TLE4: variants seen among roughly 807,000 people sequenced by gnomAD.
TLE4 encodes transducin-like enhancer protein 4.
Under a neutral mutation model 92.8 loss-of-function variants are expected in TLE4, and 8 were observed. The ratio of observed to expected loss-of-function variants is 0.09; its 90% confidence interval spans 0.05 to 0.16. The LOEUF is 0.16. Ranked by LOEUF, TLE4 falls within the 10% of genes least tolerant of loss-of-function variation. TLE4 has a pLI of 1.00. For missense variants in TLE4, 675 were observed against 997.6 expected (o/e 0.68, Z 4.36); for synonymous variants, 371 against 374.1 (o/e 0.99, Z 0.10).
At position 79,704,914 on chromosome 9, in the gene TLE4, C is replaced by T. The variant is rs2071075547; in HGVS notation, c.729+12C>T. On this transcript the variant is annotated intron_variant, in intron 9 of 19. Coordinates refer to ENST00000376552, the MANE Select transcript of TLE4 (RefSeq NM_007005.6). The stretch of plus-strand genomic sequence containing the variant: ...TTGCAGCTCGTTATGTAAGTTCATT[C>T]ACCTTTGTGTTAGGGGAGGCCAGCT... The T allele has an allele frequency of 6.2e-7, 1 of 1,613,746 alleles. No homozygotes were observed. The highest frequency in any genetic ancestry group is 1.3e-5 in the African/African-American group (1 of 74,914).
At chr9:79,575,999 G>C (rs533228544) in intron 3 of TLE4, 134 bp from the exon 4 acceptor site, 1 of 498,596 alleles carries the variant, frequency 2.0e-6, no homozygotes, top group African/African-American at 2.0e-5. Context: ...TGATTTATTG[G>C]CATAGGTTAT....
At chr9:79,598,691 T>G (rs927631057) in intron 4 of TLE4, among the ~76,000 whole-genome samples, 2 of 152,224 alleles carry the variant, frequency 1.3e-5, no homozygotes, top group African/African-American at 4.8e-5. Context: ...TCGAAAGTTA[T>G]GAAATTAATA....
At chr9:79,579,181 C>T (rs2038907029) in intron 4 of TLE4, among the ~76,000 whole-genome samples, 1 of 152,036 alleles carries the variant, frequency 6.6e-6, no homozygotes, top group South Asian at 2.1e-4. Flanking sequence ...GACAGCTGAC[C>T]CAGGGTTTAG....
At chr9:79,576,821 A>T (rs1037798251) in intron 4 of TLE4, 3 of 151,668 alleles carry the variant, frequency 2.0e-5, no homozygotes, top group Non-Finnish European at 4.4e-5. Context: ...AAAAAAAAAA[A>T]TGATTAGTCA....
At chr9:79,678,661 G>T (rs2063771700) in intron 8 of TLE4, among the ~76,000 whole-genome samples, 1 of 151,030 alleles carries the variant, frequency 6.6e-6, no homozygotes, top group South Asian at 2.1e-4. Context: ...TAGGGTACAT[G>T]TGCACAATGT....
At chr9:79,643,698 G>A (rs1204824435) in intron 6 of TLE4, among the ~76,000 whole-genome samples, 1 of 152,100 alleles carries the variant, frequency 6.6e-6, no homozygotes, top group East Asian at 1.9e-4. Flanking sequence ...ATTTCCAGTT[G>A]TATCATATTA....
intron 8 of TLE4, among the ~76,000 whole-genome samples, chr9:79,694,630 T>C (rs1238635465): frequency 6.6e-6 from 1 of 152,198 alleles, no homozygotes; most frequent in Non-Finnish European, 1.5e-5. Flanking sequence ...CTTTACATAA[T>C]AAAAATTTAC....
chr9:79,642,486 C>T (rs1666623548), intron 6 of TLE4, among the ~76,000 whole-genome samples: 1 of 151,726 alleles, frequency 6.6e-6, no homozygotes, highest in African/African-American at 2.4e-5. Context: ...GAGTACATTC[C>T]CTTAGCTTGG....
At chr9:79,722,239 C>T (rs1050066544) in intron 17 of TLE4, among the ~76,000 whole-genome samples, 19 of 152,138 alleles carry the variant, frequency 1.2e-4, no homozygotes, top group African/African-American at 2.9e-4. Flanking sequence ...GTTCACTTAC[C>T]GTGTGATGAT....
At chr9:79,712,360 A>AT (rs1199886960) in intron 14 of TLE4, among the ~76,000 whole-genome samples, 2 of 152,184 alleles carry the variant, frequency 1.3e-5, no homozygotes, top group Non-Finnish European at 2.9e-5. Context: ...TTTATTATAG[A>AT]TTTTTACAGC....
chr9:79,706,100 A>G (rs1051000692), intron 10 of TLE4, among the ~76,000 whole-genome samples, 158 bp downstream of exon 10: 7 of 152,136 alleles, frequency 4.6e-5, no homozygotes, highest in African/African-American at 1.4e-4. Flanking sequence ...GCTAGAGTAC[A>G]GTATTGTGAC....
At chr9:79,594,346 A>G (rs895928956) in intron 4 of TLE4, among the ~76,000 whole-genome samples, 7 of 152,212 alleles carry the variant, frequency 4.6e-5, no homozygotes, top group African/African-American at 1.7e-4. Flanking sequence ...TCTACATTGT[A>G]TCTCCATGGT....
chr9:79,621,847 A>T (rs1320643894), intron 5 of TLE4, among the ~76,000 whole-genome samples: 1 of 152,138 alleles, frequency 6.6e-6, no homozygotes, highest in Non-Finnish European at 1.5e-5. Context: ...TGGCTTCTTA[A>T]GTACATGTGG....
intron 5 of TLE4, among the ~76,000 whole-genome samples, chr9:79,614,825 T>C (rs1177201555): frequency 6.6e-6 from 1 of 152,100 alleles, no homozygotes; most frequent in African/African-American, 2.4e-5. Flanking sequence ...TCATCAGTTA[T>C]CGTTAGTGTA....
rs1421751403 is a variant in TLE4, at chr9:79,572,682, C to A, written c.-109C>A. On this transcript the variant is annotated 5_prime_UTR_variant, in exon 1 of 20. Transcript: ENST00000376552. The stretch of plus-strand genomic sequence containing the variant: ...GGGGGCCGGGACCGCCCGAGCCGCC[C>A]CTCAGACCGAGCCGGCCGCCTCCGC... 8.6e-7 allele frequency: 1 copy of A among 1,165,018 alleles called. No homozygotes were observed. The highest frequency in any genetic ancestry group is 3.0e-5 in the East Asian group (1 of 32,980). The allele number at this position is 1,165,018 out of a possible 1,614,324, so 72.2% of individuals were successfully genotyped here.
intron 4 of TLE4, among the ~76,000 whole-genome samples, chr9:79,596,074 C>G (rs1412557022): frequency 6.6e-6 from 1 of 152,126 alleles, no homozygotes; most frequent in East Asian, 1.9e-4. Flanking sequence ...TCTCGATCTC[C>G]TGACCTCGTG....
intron 5 of TLE4, among the ~76,000 whole-genome samples, chr9:79,614,055 G>A (rs2048952888): frequency 6.6e-6 from 1 of 152,102 alleles, no homozygotes; most frequent in South Asian, 2.1e-4. Context: ...AGATGGCTTG[G>A]TGAATGAGAG....
intron 4 of TLE4, chr9:79,580,201 A>T (rs1250954660): frequency 6.6e-6 from 1 of 152,216 alleles, no homozygotes; most frequent in Non-Finnish European, 1.5e-5. Context: ...ACCATGCTCG[A>T]CAGCAAATCA....
chr9:79,628,988 C>A (rs2053469450), intron 6 of TLE4, among the ~76,000 whole-genome samples: 1 of 151,488 alleles, frequency 6.6e-6, no homozygotes, highest in African/African-American at 2.4e-5. Flanking sequence ...ATTTTTGTTA[C>A]CAAATCTTCC....
Sources: gnomAD v4.1 joint callset for allele counts (sites outside exome capture counted in the v4.1 genomes callset) on GRCh38, gnomAD v4.1.1 for gene constraint, MANE v1.5 for transcripts, NCBI Gene and HGNC (gene_info 2026-07-23, HGNC 2026-07-21) for gene names.